The following AKAP13 variants were observed in gnomAD, a reference collection of about 807,000 sequenced individuals.
AKAP13 encodes A-kinase anchor protein 13.
A neutral mutation model predicts 264.5 loss-of-function variants in AKAP13; 80 were observed. That is an observed-to-expected ratio of 0.30 (90% CI 0.25 to 0.36). The LOEUF (loss-of-function observed/expected upper bound fraction) is 0.36. Ranked by LOEUF, AKAP13 falls within the 10% of genes least tolerant of loss-of-function variation. AKAP13 has a pLI of 1.00. For missense variants in AKAP13, 3,712 were observed against 3,435.2 expected, an observed-to-expected ratio of 1.08 and a Z score of -2.01; for synonymous variants, 1,380 against 1,250.2, an observed-to-expected ratio of 1.10 and a Z score of -2.19.
In AKAP13 at chr15:85,407,250, C is replaced by T. The variant is rs1273476086; in HGVS notation, c.-12+26452C>T. Among the ~76,000 whole-genome samples the T allele has an allele frequency of 1.1e-4, 15 of 140,698 alleles. 1 individual carries two copies. The highest frequency in any genetic ancestry group is 3.5e-4 in the African/African-American group (13 of 36,696). The allele number at this position is 140,698 out of a possible 152,430, so 92.3% of individuals were successfully genotyped here. A position where few individuals can be genotyped will look rare whatever the true frequency, so the allele number is the denominator to read the frequency against. ...TGGGTCTTTTTTTTTTTTTTTGGGA[C>T]GGAGTCTTGCTCTGTCACCCAGGCT... is the stretch of plus-strand genomic sequence containing the variant. On this transcript the variant is annotated intron_variant, in intron 1 of 36. Transcript: ENST00000394518.
chr15:85,647,223 C>G (rs1399880963), intron 10 of AKAP13, among the ~76,000 whole-genome samples: 1 of 151,948 alleles, frequency 6.6e-6, no homozygotes, highest in Non-Finnish European at 1.5e-5. Flanking sequence ...TGGTGAAAAC[C>G]CGTCTCTACT....
chr15:85,489,495 A>G (rs549432373), intron 2 of AKAP13, among the ~76,000 whole-genome samples: 57 of 152,312 alleles, frequency 3.7e-4, no homozygotes, highest in Middle Eastern at 3.4e-3. Flanking sequence ...GAGGAAAAGT[A>G]GCTGTTTTAT....
chr15:85,391,486 C>CTTTTTT (rs759926035), intron 1 of AKAP13, among the ~76,000 whole-genome samples: 1 of 135,782 alleles, frequency 7.4e-6, no homozygotes, highest in African/African-American at 2.7e-5. Flanking sequence ...CTTTTCTTTT[C>CTTTTTT]TTTTTTTTTT....
At chr15:85,726,181 C>G in intron 26 of AKAP13, 1 of 443,344 alleles carries the variant, frequency 2.3e-6, no homozygotes, top group African/African-American at 2.0e-5. Context: ...CAAAACAAGG[C>G]TTTGGTGATA....
chr15:85,723,112 C>T lies in AKAP13; in HGVS notation c.6537C>T (p.Ser2179=). The change falls in exon 26 of 37, where the codon AGC becomes AGT. Residue 2179 remains serine (S), a synonymous_variant. Coordinates refer to ENST00000394518, the MANE Select transcript of AKAP13 (RefSeq NM_007200.5). ...AGGAAGATCTAGCACAGTCCTTGAG[C>T]CTGGTGAAGGATGTGATTGGAGCTG... ...VEQEDLAQSL[S]LVKDVIGAVD... is the part of the protein sequence containing the mutation. The T allele has an allele frequency of 6.2e-7, 1 of 1,614,048 alleles. No individual in the cohort carries two copies. Among genetic ancestry groups the T allele is most frequent in the Non-Finnish European group, 8.5e-7 (1 of 1,179,982 alleles).
chr15:85,581,666 G>A lies in AKAP13; in HGVS notation c.3598G>A (p.Glu1200Lys). The A allele has an allele frequency of 1.9e-6, 3 of 1,614,152 alleles. No homozygotes were observed. Among genetic ancestry groups the A allele is most frequent in the Non-Finnish European group, 2.5e-6 (3 of 1,180,030 alleles). ...TGCCAAGGAGCTCCCCACAGACATG[G>A]AGCTCTCAGCCCATGATGATGGGGC... ...PVAKELPTDM[E>K]LSAHDDGAPA... The change falls in exon 7 of 37, where the codon GAG (glutamate) becomes AAG (lysine). Residue 1200 changes from glutamate to lysine, a missense_variant. By Grantham distance (56) the Glu-to-Lys change is moderately conservative. This residue lies in a region of AKAP13 where 2,759 missense variants were observed against 2,411.7 expected (regional missense o/e 1.14). Coordinates refer to ENST00000394518, the MANE Select transcript of AKAP13 (RefSeq NM_007200.5).
At chr15:85,712,386 A>G (rs532382798) in intron 19 of AKAP13, among the ~76,000 whole-genome samples, 1 of 152,090 alleles carries the variant, frequency 6.6e-6, no homozygotes, top group Non-Finnish European at 1.5e-5. Context: ...TACCCATTCC[A>G]CATACTTTTT....
chr15:85,717,915 T>A, intron 21 of AKAP13, 92 bp from the exon 22 acceptor site: 1 of 1,288,400 alleles, frequency 7.8e-7, no homozygotes, highest in South Asian at 1.4e-5. Flanking sequence ...ATGTGTCTTA[T>A]GAAATCAACT....
In AKAP13 at chr15:85,613,691, A is replaced by AAAATATAT. The variant is rs1313187436; in HGVS notation, c.4162-25682_4162-25681insAATATATA. Among the ~76,000 whole-genome samples, 128 of 91,956 alleles carry AAAATATAT rather than the reference A, an allele frequency of 1.4e-3. 1 individual carries two copies. The highest frequency in any genetic ancestry group is 5.3e-3 in the Middle Eastern group (1 of 190). 60.3% of individuals were successfully genotyped at this position (91,956 alleles called of 152,430 possible). ...GCCAGACTCCGTCTAAAAAAAAAAAAATATATATATATATATATATATTAG... is the reference window on the plus strand; with the variant it reads ...GCCAGACTCCGTCTAAAAAAAAAAAAAAATATATATATATATATATATATATATATTAG... On this transcript the variant is annotated intron_variant, in intron 8 of 36. Transcript: ENST00000394518.
chr15:85,734,078 C>CCGCCT (rs1468128081), intron 30 of AKAP13, among the ~76,000 whole-genome samples: 1 of 151,970 alleles, frequency 6.6e-6, no homozygotes, highest in Non-Finnish European at 1.5e-5. Context: ...GGTGATCTGC[C>CCGCCT]CGCCTCGGCC....
At chr15:85,616,239 G>C (rs988950984) in intron 8 of AKAP13, among the ~76,000 whole-genome samples, 1 of 152,230 alleles carries the variant, frequency 6.6e-6, no homozygotes, top group Non-Finnish European at 1.5e-5. Flanking sequence ...TGAGACTCCA[G>C]ATGGGCTTCT....
intron 1 of AKAP13, among the ~76,000 whole-genome samples, chr15:85,402,447 T>G (rs1309723143): frequency 6.6e-6 from 1 of 152,148 alleles, no homozygotes; most frequent in Non-Finnish European, 1.5e-5. Context: ...TTAGGGAAAT[T>G]TTACTGGCTG....
intron 1 of AKAP13, among the ~76,000 whole-genome samples, chr15:85,469,121 G>T (rs1456775754): frequency 7.2e-6 from 1 of 139,380 alleles, no homozygotes; most frequent in Non-Finnish European, 1.5e-5. Flanking sequence ...CACCATGTCA[G>T]CCAGGCTGGT....
chr15:85,541,158 A>G (rs774650927), intron 4 of AKAP13, among the ~76,000 whole-genome samples: 11 of 152,382 alleles, frequency 7.2e-5, no homozygotes, highest in African/African-American at 2.6e-4. Context: ...TGGGTATACT[A>G]TACCATATGT....
At chr15:85,551,991 A>G (rs1351572434) in intron 5 of AKAP13, among the ~76,000 whole-genome samples, 1 of 152,262 alleles carries the variant, frequency 6.6e-6, no homozygotes, top group African/African-American at 2.4e-5. Context: ...GGAAACAAGG[A>G]AAGTGATTAG....
chr15:85,581,587 C>G lies in AKAP13; in HGVS notation c.3519C>G (p.Asp1173Glu). Residue 1173 changes from aspartate to glutamate, a missense_variant, in exon 7 of 37, where the codon GAC becomes GAG. Around this residue, in one of 3 missense-constraint regions of AKAP13, gnomAD observed 2,759 missense variants for 2,411.7 expected, o/e 1.14. Transcript: ENST00000394518. ...EGADHSCTMG[D>E]AEEAQIDDEA... The stretch of plus-strand genomic sequence containing the variant: ...CAGACCACAGCTGTACCATGGGTGA[C>G]GCTGAGGAAGCCCAAATAGACGATG... The G allele has an allele frequency of 6.2e-7, 1 of 1,614,142 alleles. No individual in the cohort carries two copies. The highest frequency in any genetic ancestry group is 8.5e-7 in the Non-Finnish European group (1 of 1,180,028).
intron 5 of AKAP13, among the ~76,000 whole-genome samples, chr15:85,556,143 T>G (rs932965453): frequency 6.6e-6 from 1 of 152,232 alleles, no homozygotes; most frequent in African/African-American, 2.4e-5. Flanking sequence ...AAATTATTCA[T>G]TAAGTCTCAG....
intron 15 of AKAP13, among the ~76,000 whole-genome samples, chr15:85,683,294 C>G (rs913811945): frequency 6.6e-6 from 1 of 152,118 alleles, no homozygotes; most frequent in Non-Finnish European, 1.5e-5. Flanking sequence ...TTGACAGGAC[C>G]CCTTGTGGTG....
chr15:85,591,967 A>G (rs1216073825), intron 8 of AKAP13, among the ~76,000 whole-genome samples: 3 of 151,348 alleles, frequency 2.0e-5, no homozygotes, highest in South Asian at 4.2e-4. Context: ...TGTGTTGAGT[A>G]TTAGGCTACT....
Sources: allele counts gnomAD v4.1 joint callset (sites outside exome capture counted in the v4.1 genomes callset), GRCh38; gene constraint gnomAD v4.1.1; regional missense constraint gnomAD v4.1.1; transcripts MANE v1.5; gene names NCBI Gene and HGNC (gene_info 2026-07-23, HGNC 2026-07-21).